CDKL4: variants seen among roughly 807,000 people sequenced by gnomAD.
The protein encoded by CDKL4 is cyclin dependent kinase like 4.
A neutral mutation model predicts 42.0 loss-of-function variants in CDKL4; 44 were observed. That is an observed-to-expected ratio of 1.05 (90% CI 0.82 to 1.35). The LOEUF (loss-of-function observed/expected upper bound fraction) is 1.35. CDKL4 is among the 40% of genes most tolerant of loss of function. CDKL4 has a pLI of 0.00. For missense variants in CDKL4, 393 were observed against 369.9 expected, an observed-to-expected ratio of 1.06 and a Z score of -0.51; for synonymous variants, 120 against 121.6, an observed-to-expected ratio of 0.99 and a Z score of 0.09.
chr2:39,225,267 G>A (rs1420068333), intron 3 of CDKL4, among the ~76,000 whole-genome samples: 1 of 152,076 alleles, frequency 6.6e-6, no homozygotes. Flanking sequence ...GGGCATGGTG[G>A]TGTGTGCCTG....
intron 5 of CDKL4, among the ~76,000 whole-genome samples, chr2:39,195,450 A>G (rs1676449454): frequency 2.0e-5 from 3 of 152,098 alleles, no homozygotes; most frequent in Admixed American, 2.0e-4. Context: ...ATTTCTTCAT[A>G]TCTTTACCAA....
At chr2:39,175,685 C>T (rs1254116701) in exon 10 of CDKL4, 1 of 175,960 alleles carries the variant, frequency 5.7e-6, no homozygotes, top group African/African-American at 2.4e-5. Context: ...AAATCTTTTT[C>T]ATAAATCAAA....
At chr2:39,236,023 A>G (rs1679351219) in intron 1 of CDKL4, among the ~76,000 whole-genome samples, 1 of 152,104 alleles carries the variant, frequency 6.6e-6, no homozygotes, top group Non-Finnish European at 1.5e-5. Context: ...GCTGTTATAA[A>G]TATGTTCAAA....
intron 9 of CDKL4, among the ~76,000 whole-genome samples, chr2:39,178,187 A>C (rs1031186494): frequency 3.9e-5 from 6 of 152,298 alleles, no homozygotes; most frequent in Middle Eastern, 3.4e-3. Context: ...GATACACAGA[A>C]ATGATTTAAC....
At position 39,213,605 on chromosome 2, in the gene CDKL4, A is replaced by G. The variant is rs771539702; in HGVS notation, c.291-133T>C. On this transcript the variant is annotated intron_variant, in intron 3 of 9. Coordinates refer to ENST00000451199, the Ensembl canonical transcript of CDKL4. ...CCATGCGGAAGGGTCCTAAAAATAT[A>G]TTTTAGTGAAAATTGGGCTTTACTA... 75 of 466,972 alleles carry G rather than the reference A, an allele frequency of 1.6e-4. No individual in the cohort carries two copies. In the Middle Eastern group the frequency reaches 2.5e-3, roughly 15 times the overall value. 28.9% of individuals were successfully genotyped at this position (466,972 alleles called of 1,614,324 possible). A position where few individuals can be genotyped will look rare whatever the true frequency, so the allele number is the denominator to read the frequency against.
intron 3 of CDKL4, among the ~76,000 whole-genome samples, chr2:39,219,947 T>C (rs1678198799): frequency 1.3e-5 from 2 of 152,154 alleles, no homozygotes; most frequent in African/African-American, 4.8e-5. Flanking sequence ...ACGTCAGGCA[T>C]TTTGATATCG....
At chr2:39,188,838 C>G (rs767530267) in intron 6 of CDKL4, among the ~76,000 whole-genome samples, 15 of 152,046 alleles carry the variant, frequency 9.9e-5, no homozygotes, top group Admixed American at 4.6e-4. Context: ...TACAAGCATG[C>G]GCCATCATGT....
rs1414576334 is a variant in CDKL4, at chr2:39,229,451, G to A, written c.82C>T (p.Gln28Ter). Residue 28 changes from glutamine (Q) to a stop codon, truncating the protein, a stop_gained, in exon 2 of 10, where the codon CAA becomes TAA. Coordinates refer to ENST00000451199, the Ensembl canonical transcript of CDKL4. LOFTEE classifies it high-confidence loss of function. The stretch of plus-strand genomic sequence containing the variant: ...ACAAATTTTTTAACAGCTACTACTT[G>A]TCCAGAGGTTTTGTTTCTGCATTTG... 5 of 1,613,152 alleles carry A rather than the reference G, an allele frequency of 3.1e-6. No homozygotes were observed. Among genetic ancestry groups the A allele is most frequent in the African/African-American group, 1.3e-5 (1 of 74,942 alleles).
chr2:39,178,394 A>T (rs1454002289), intron 9 of CDKL4, among the ~76,000 whole-genome samples: 1 of 152,230 alleles, frequency 6.6e-6, no homozygotes, highest in Non-Finnish European at 1.5e-5. Context: ...GATGAATTGG[A>T]AATTACCAAC....
intron 5 of CDKL4, among the ~76,000 whole-genome samples, chr2:39,200,468 C>T (rs1446777993): frequency 1.3e-5 from 2 of 152,052 alleles, no homozygotes; most frequent in African/African-American, 4.8e-5. Context: ...CATCATTCTT[C>T]ACAGAACTTG....
At chr2:39,176,756 T>C (rs949764009) in intron 9 of CDKL4, among the ~76,000 whole-genome samples, 5 of 152,198 alleles carry the variant, frequency 3.3e-5, no homozygotes, top group African/African-American at 9.7e-5. Context: ...AGCTAGAATA[T>C]TGGCAGAATA....
chr2:39,179,172 T>C lies in CDKL4; in HGVS notation c.927+15A>G. ...GAATTATTTTTATAGCACTTTAACT[T>C]TTGAGCGGAAGTACCTGTTGGCGTC... On this transcript the variant is annotated intron_variant, in intron 9 of 9. Coordinates refer to ENST00000451199, the Ensembl canonical transcript of CDKL4. The C allele has an allele frequency of 6.3e-7, 1 of 1,586,972 alleles. No individual in the cohort carries two copies. Among genetic ancestry groups the C allele is most frequent in the Non-Finnish European group, 8.5e-7 (1 of 1,173,640 alleles).
At chr2:39,244,019 C>T (rs1402500167), upstream of CDKL4, among the ~76,000 whole-genome samples, 1 of 152,266 alleles carries the variant, frequency 6.6e-6, no homozygotes, top group Non-Finnish European at 1.5e-5. Flanking sequence ...GCAACCGGAA[C>T]GCTAGGGCGC....
At chr2:39,197,296 A>G (rs1250927590) in intron 5 of CDKL4, among the ~76,000 whole-genome samples, 1 of 152,208 alleles carries the variant, frequency 6.6e-6, no homozygotes, top group Non-Finnish European at 1.5e-5. Flanking sequence ...AAAAGAATTA[A>G]AAAAATGAAC....
In CDKL4 at chr2:39,178,688, G is replaced by A. The variant is rs758136886; in HGVS notation, c.927+499C>T. 8.1e-6 allele frequency: 13 copies of A among 1,608,812 alleles called. No homozygotes were observed. The South Asian group carries it at 1.2e-4, about 15-fold the overall frequency. On this transcript the variant is annotated intron_variant, in intron 9 of 9. Transcript: ENST00000451199. ...GTAGAATTTGGTTCCCAGATGTCTG[G>A]GTTTCATTCCTTTGTACCTGGCAGA...
intron 4 of CDKL4, among the ~76,000 whole-genome samples, 161 bp downstream of exon 4, chr2:39,213,239 C>A (rs1304933198): frequency 6.6e-6 from 1 of 152,138 alleles, no homozygotes; most frequent in African/African-American, 2.4e-5. Context: ...CCCACTTCAG[C>A]CTCCCAAGGT....
At chr2:39,184,722 A>ATGTGTGTG (rs141702509) in intron 7 of CDKL4, 75 bp from the exon 8 acceptor site, 8 of 760,928 alleles carry the variant, frequency 1.1e-5, no homozygotes, top group Non-Finnish European at 1.8e-5. Flanking sequence ...GTGCGTATGT[A>ATGTGTGTG]TGTGTGTGTG....
intron 1 of CDKL4, among the ~76,000 whole-genome samples, chr2:39,238,896 C>A (rs1290955024): frequency 6.6e-6 from 1 of 152,162 alleles, no homozygotes; most frequent in Non-Finnish European, 1.5e-5. Flanking sequence ...GGATTACAGG[C>A]ATGTGCCACC....
Position 39,213,476 on chromosome 2 carries a change from A to AG in CDKL4, c.291-5dup. On this transcript the variant is annotated splice_polypyrimidine_tract_variant and splice_region_variant and intron_variant, in intron 3 of 9. Coordinates refer to ENST00000451199, the Ensembl canonical transcript of CDKL4. The stretch of plus-strand genomic sequence containing the variant: ...TTTGATCACTCCATCAGCAACTCTG[A>AG]GGGAAAAAATAAAAAAGGAAATGAA... 6.2e-7 allele frequency: 1 copy of AG among 1,604,870 alleles called. No individual in the cohort carries two copies. Among genetic ancestry groups the AG allele is most frequent in the South Asian group, 1.1e-5 (1 of 90,536 alleles).
Sources: allele counts gnomAD v4.1 joint callset (sites outside exome capture counted in the v4.1 genomes callset), GRCh38; gene constraint gnomAD v4.1.1; transcripts MANE v1.5; gene names NCBI Gene and HGNC (gene_info 2026-07-23, HGNC 2026-07-21).